The following VLDLR variants were observed in gnomAD, a reference collection of about 807,000 sequenced individuals.
The protein encoded by VLDLR is very low density lipoprotein receptor.
In VLDLR, 81 loss-of-function variants were observed where a neutral mutation model predicts 112.7. The ratio of observed to expected loss-of-function variants is 0.72; its 90% CI spans 0.60 to 0.86. The LOEUF (loss-of-function observed/expected upper bound fraction) is 0.86. Ranked by LOEUF, VLDLR falls within the 40% of genes least tolerant of loss-of-function variation. The pLI is 0.00. For synonymous variants in VLDLR, 436 were observed against 384.8 expected, an observed-to-expected ratio of 1.13 and a Z score of -1.56; for missense variants, 1,237 against 1,099.4, an observed-to-expected ratio of 1.13 and a Z score of -1.77.
At chr9:2,646,255 A>G (rs1440463442) in intron 10 of VLDLR, 79 bp from the exon 11 acceptor site, 9 of 1,424,876 alleles carry the variant, frequency 6.3e-6, no homozygotes, top group East Asian at 2.3e-5. Context: ...GTCATTGACC[A>G]TTTTGTAAGC....
chr9:2,653,978 ATC>A lies in VLDLR; in HGVS notation c.*111_*112del. The A allele has an allele frequency of 1.8e-6, 2 of 1,131,846 alleles. No individual in the cohort carries two copies. Among genetic ancestry groups the A allele is most frequent in the Non-Finnish European group, 2.7e-6 (2 of 746,034 alleles). 70.1% of individuals were successfully genotyped at this position (1,131,846 alleles called of 1,614,324 possible). Reference sequence around the variant, plus strand: ...TTTTCTTCCTCTCGGCTGGAAGAACATCAAGATACCTTTGCGTGGATCAAGCT... The same window carrying A: ...TTTTCTTCCTCTCGGCTGGAAGAACAAAGATACCTTTGCGTGGATCAAGCT... On this transcript the variant is annotated 3_prime_UTR_variant, in exon 19 of 19. Coordinates refer to ENST00000382100, the MANE Select transcript of VLDLR (RefSeq NM_003383.5).
chr9:2,622,341 G>A (rs1323229443), intron 1 of VLDLR, 70 bp downstream of exon 1: 1 of 1,345,422 alleles, frequency 7.4e-7, no homozygotes, highest in African/African-American at 1.5e-5. Flanking sequence ...CCGAGGCGTA[G>A]GTCTCCGTTT....
At chr9:2,626,793 C>A (rs1397244672) in intron 1 of VLDLR, among the ~76,000 whole-genome samples, 1 of 124,702 alleles carries the variant, frequency 8.0e-6, no homozygotes, top group Non-Finnish European at 1.7e-5. Context: ...CGATAGACAG[C>A]ATTTGTGAGT....
At chr9:2,637,267 A>G (rs1449300859) in intron 2 of VLDLR, among the ~76,000 whole-genome samples, 6 of 152,238 alleles carry the variant, frequency 3.9e-5, no homozygotes, top group Non-Finnish European at 7.3e-5. Context: ...ACCTCTTAAT[A>G]TGGAACTTGG....
At chr9:2,628,456 G>C (rs1817194762) in intron 1 of VLDLR, among the ~76,000 whole-genome samples, 1 of 152,202 alleles carries the variant, frequency 6.6e-6, no homozygotes, top group African/African-American at 2.4e-5. Context: ...ATAGCAGATG[G>C]TGGGTAGTGA....
intron 3 of VLDLR, among the ~76,000 whole-genome samples, chr9:2,640,563 C>G (rs1817780357): frequency 6.6e-6 from 1 of 151,880 alleles, no homozygotes; most frequent in Admixed American, 6.6e-5. Flanking sequence ...TCTATGAGAC[C>G]ATAAAGAATG....
At chr9:2,628,831 A>G (rs1817213738) in intron 1 of VLDLR, among the ~76,000 whole-genome samples, 1 of 152,182 alleles carries the variant, frequency 6.6e-6, no homozygotes, top group Non-Finnish European at 1.5e-5. Context: ...TTTTTCTGCA[A>G]AATAGTTTTG....
chr9:2,652,958 G>T lies in VLDLR; in HGVS notation c.2586+9G>T, dbSNP rs1487739916. The T allele has an allele frequency of 6.2e-7, 1 of 1,614,012 alleles. No individual in the cohort carries two copies. The highest frequency in any genetic ancestry group is 1.7e-5 in the Admixed American group (1 of 60,016). ...GACACACGTACCCAGCAGTAAGTCAGCTTTGTGTCTTTATACACCATGGCT... is the reference window on the plus strand; with the variant it reads ...GACACACGTACCCAGCAGTAAGTCATCTTTGTGTCTTTATACACCATGGCT... On this transcript the variant is annotated intron_variant, in intron 18 of 18. Transcript: ENST00000382100.
chr9:2,644,686 T>C (rs1387587266), intron 7 of VLDLR, 48 bp from the exon 8 acceptor site: 2 of 1,613,326 alleles, frequency 1.2e-6, no homozygotes, highest in Non-Finnish European at 1.7e-6. Context: ...ATGTGAAAGA[T>C]ATTAATTGAA....
chr9:2,629,286 G>T (rs370301866), intron 1 of VLDLR, among the ~76,000 whole-genome samples: 1 of 152,208 alleles, frequency 6.6e-6, no homozygotes, highest in East Asian at 1.9e-4. Context: ...CCTTTCCTCT[G>T]ACTTGAACCC....
At chr9:2,645,537 A>G in intron 9 of VLDLR, 37 bp from the exon 10 acceptor site, 1 of 1,613,988 alleles carries the variant, frequency 6.2e-7, no homozygotes, top group Non-Finnish European at 8.5e-7. Context: ...TTGCCTTCTT[A>G]AAGCAAAACT....
At chr9:2,644,023 C>G in intron 7 of VLDLR, 64 bp downstream of exon 7, 1 of 1,611,756 alleles carries the variant, frequency 6.2e-7, no homozygotes. Flanking sequence ...ATAGCTAACA[C>G]TGTGTGGACC....
intron 1 of VLDLR, among the ~76,000 whole-genome samples, chr9:2,626,428 C>T (rs35075973): frequency 2.0e-5 from 3 of 152,268 alleles, no homozygotes; most frequent in Non-Finnish European, 2.9e-5. Context: ...TCTCAGATTG[C>T]GGATTAGGGA....
intron 1 of VLDLR, 62 bp from the exon 2 acceptor site, chr9:2,635,391 T>A: frequency 3.7e-6 from 6 of 1,611,284 alleles, no homozygotes; most frequent in Middle Eastern, 1.7e-4. Context: ...CATCCATGGG[T>A]ATTAGGTATC....
chr9:2,653,001 G>A, intron 18 of VLDLR, 52 bp downstream of exon 18: 1 of 1,610,354 alleles, frequency 6.2e-7, no homozygotes, highest in Non-Finnish European at 8.5e-7. Flanking sequence ...AGACTTTTCA[G>A]AAAGGAGACC....
Position 2,657,551 on chromosome 9 carries a change from A to G in VLDLR, c.*3683A>G, listed in dbSNP as rs192305182. 6.7e-6 allele frequency: 1 copy of G among 150,204 alleles called. No individual in the cohort carries two copies. The highest frequency in any genetic ancestry group is 1.9e-4 in the East Asian group (1 of 5,188). The allele number at this position is 150,204 out of a possible 1,614,324, so 9.3% of individuals were successfully genotyped here. ...TATTGTGGGTGATGAGGCGGTGCCT[A>G]AAAACCACATATATATAATCCCCTG... On this transcript the variant is annotated 3_prime_UTR_variant, in exon 19 of 19. Coordinates refer to ENST00000382100, the MANE Select transcript of VLDLR (RefSeq NM_003383.5).
chr9:2,624,263 A>T (rs573563552), intron 1 of VLDLR, among the ~76,000 whole-genome samples: 2 of 152,348 alleles, frequency 1.3e-5, no homozygotes, highest in South Asian at 4.1e-4. Context: ...ACTGGAGGAA[A>T]TTTGGGCTGA....
At chr9:2,622,474 G>A (rs1314195921) in intron 1 of VLDLR, 1 of 473,420 alleles carries the variant, frequency 2.1e-6, no homozygotes, top group Non-Finnish European at 3.6e-6. Context: ...GAACAGCGGG[G>A]TTCGGGGTGC....
chr9:2,635,204 A>G (rs895218618), intron 1 of VLDLR, among the ~76,000 whole-genome samples: 5 of 152,226 alleles, frequency 3.3e-5, no homozygotes, highest in African/African-American at 9.6e-5. Flanking sequence ...ATTAGTCAGA[A>G]TGTAGCCCCT....
Sources: allele counts gnomAD v4.1 joint callset (sites outside exome capture counted in the v4.1 genomes callset), GRCh38; gene constraint gnomAD v4.1.1; transcripts MANE v1.5; gene names NCBI Gene and HGNC (gene_info 2026-07-23, HGNC 2026-07-21).